GULP1: variants seen among roughly 807,000 people sequenced by gnomAD.
GULP1 encodes the protein PTB domain-containing engulfment adapter protein 1.
Under a neutral mutation model 40.9 loss-of-function variants are expected in GULP1, and 19 were observed. The ratio of observed to expected loss-of-function variants is 0.46; its 90% CI spans 0.32 to 0.68. The LOEUF (loss-of-function observed/expected upper bound fraction) is 0.68. Among genes scored for constraint, GULP1 ranks in the 30% least tolerant of loss-of-function variants. The pLI, the probability that GULP1 is intolerant of heterozygous loss-of-function variation, is 0.03. For synonymous variants in GULP1, 119 were observed against 117.6 expected (o/e 1.01, Z -0.08); for missense variants, 312 against 362.2 (o/e 0.86, Z 1.12).
intron 1 of GULP1, among the ~76,000 whole-genome samples, chr2:188,355,371 A>T (rs919304222): frequency 6.6e-6 from 1 of 152,128 alleles, no homozygotes; most frequent in Non-Finnish European, 1.5e-5. Flanking sequence ...TCACAGAAAT[A>T]CAAAGAATCA....
At chr2:188,469,744 T>G (rs112251808) in intron 2 of GULP1, among the ~76,000 whole-genome samples, 3 of 152,326 alleles carry the variant, frequency 2.0e-5, no homozygotes, top group African/African-American at 7.2e-5. Flanking sequence ...TACTCATTTT[T>G]TATGGTTTTT....
chr2:188,389,733 C>A (rs2050262639), intron 2 of GULP1, among the ~76,000 whole-genome samples: 1 of 152,036 alleles, frequency 6.6e-6, no homozygotes, highest in African/African-American at 2.4e-5. Context: ...GCATTGTACC[C>A]AATATGTAGT....
chr2:188,345,097 T>A (rs571093186), intron 1 of GULP1, among the ~76,000 whole-genome samples: 2 of 152,320 alleles, frequency 1.3e-5, no homozygotes, highest in African/African-American at 2.4e-5. Context: ...AAAGGTACAC[T>A]TTTTGCTAAC....
At chr2:188,457,910 T>A (rs1325817391) in intron 2 of GULP1, among the ~76,000 whole-genome samples, 1 of 152,170 alleles carries the variant, frequency 6.6e-6, no homozygotes, top group Non-Finnish European at 1.5e-5. Context: ...TCATTATAAT[T>A]GTACAGAAAT....
intron 11 of GULP1, chr2:188,589,410 A>T (rs1373065624): frequency 5.4e-6 from 1 of 184,148 alleles, no homozygotes; most frequent in African/African-American, 2.3e-5. Context: ...CATTAGTTTT[A>T]CCCATTGGAC....
chr2:188,482,996 C>A (rs1251933911), intron 3 of GULP1, among the ~76,000 whole-genome samples: 2 of 151,710 alleles, frequency 1.3e-5, no homozygotes. Context: ...ATAACTAAAT[C>A]TTGATGCTAC....
intron 1 of GULP1, among the ~76,000 whole-genome samples, chr2:188,309,189 G>T (rs2037651180): frequency 6.6e-6 from 1 of 152,184 alleles, no homozygotes; most frequent in Non-Finnish European, 1.5e-5. Context: ...GAATTGGCTA[G>T]GCTTGGTGGC....
chr2:188,592,715 T>C (rs1703815344), intron 11 of GULP1: 1 of 152,092 alleles, frequency 6.6e-6, no homozygotes, highest in Non-Finnish European at 1.5e-5. Context: ...CTCCTCTATA[T>C]GATGATGTTT....
chr2:188,564,765 T>C (rs113805495), intron 7 of GULP1, among the ~76,000 whole-genome samples: 5 of 151,874 alleles, frequency 3.3e-5, no homozygotes, highest in Non-Finnish European at 7.4e-5. Context: ...CAAATTAATT[T>C]TGAGAGAGAA....
At chr2:188,467,108 C>G (rs1322664145) in intron 2 of GULP1, among the ~76,000 whole-genome samples, 3 of 148,594 alleles carry the variant, frequency 2.0e-5, no homozygotes, top group Non-Finnish European at 4.5e-5. Context: ...GGACATGACA[C>G]AGTTGAAAAA....
chr2:188,578,603 T>C (rs988148284), intron 9 of GULP1, among the ~76,000 whole-genome samples: 1 of 151,936 alleles, frequency 6.6e-6, no homozygotes, highest in Non-Finnish European at 1.5e-5. Context: ...TGGACACTCA[T>C]TATTAATATA....
chr2:188,417,324 T>A (rs1225191840), intron 2 of GULP1, among the ~76,000 whole-genome samples: 1 of 152,208 alleles, frequency 6.6e-6, no homozygotes, highest in Admixed American at 6.5e-5. Context: ...CTAGTGCTTT[T>A]GCTTGCATTA....
At chr2:188,521,832 T>G (rs2065811748) in intron 4 of GULP1, among the ~76,000 whole-genome samples, 1 of 152,090 alleles carries the variant, frequency 6.6e-6, no homozygotes, top group Non-Finnish European at 1.5e-5. Flanking sequence ...ATCCCAGTAC[T>G]TTGGGAGGTG....
At chr2:188,460,706 A>G (rs955302067) in intron 2 of GULP1, among the ~76,000 whole-genome samples, 1 of 152,066 alleles carries the variant, frequency 6.6e-6, no homozygotes, top group Non-Finnish European at 1.5e-5. Flanking sequence ...CAGTGGTGAA[A>G]GTGTGCATCC....
intron 1 of GULP1, among the ~76,000 whole-genome samples, chr2:188,375,284 C>T (rs1177312202): frequency 5.3e-5 from 8 of 152,154 alleles, no homozygotes; most frequent in Admixed American, 3.3e-4. Flanking sequence ...GTAAAGCTCC[C>T]GACCGCTGCA....
At chr2:188,379,546 C>T (rs745461349) in intron 1 of GULP1, among the ~76,000 whole-genome samples, 1 of 152,068 alleles carries the variant, frequency 6.6e-6, no homozygotes, top group Non-Finnish European at 1.5e-5. Context: ...ATTTGCTTGT[C>T]TCATCCCCTC....
At chr2:188,412,888 T>G (rs779098604) in intron 2 of GULP1, among the ~76,000 whole-genome samples, 12 of 152,198 alleles carry the variant, frequency 7.9e-5, no homozygotes. Flanking sequence ...TGATATAATT[T>G]GTACTTTCAT....
At chr2:188,433,328 C>A (rs2152829151) in intron 2 of GULP1, among the ~76,000 whole-genome samples, 1 of 152,192 alleles carries the variant, frequency 6.6e-6, no homozygotes, top group Non-Finnish European at 1.5e-5. Flanking sequence ...GTCTAGATTT[C>A]AGTGTAGTGG....
chr2:188,467,126 C>G (rs1367705164), intron 2 of GULP1, among the ~76,000 whole-genome samples: 1 of 151,530 alleles, frequency 6.6e-6, no homozygotes, highest in African/African-American at 2.4e-5. Context: ...AAAAAAAAAG[C>G]TTGTGGCAAA....
Sources: allele counts gnomAD v4.1 joint callset (sites outside exome capture counted in the v4.1 genomes callset), GRCh38; gene constraint gnomAD v4.1.1; transcripts MANE v1.5; gene names NCBI Gene and HGNC (gene_info 2026-07-23, HGNC 2026-07-21).